SLC17A1: variants seen among roughly 807,000 people sequenced by gnomAD.
SLC17A1 encodes the protein solute carrier family 17 member 1, also known as sodium-dependent phosphate transport protein 1.
In SLC17A1, 51 loss-of-function variants were observed where a neutral mutation model predicts 53.5. That is an observed-to-expected ratio of 0.95 (90% confidence interval 0.76 to 1.20). The LOEUF is 1.20. SLC17A1 is among the 50% of genes most tolerant of loss of function. SLC17A1 has a pLI of 0.00. For synonymous variants in SLC17A1, 179 were observed against 198.8 expected (o/e 0.90, Z 0.84); for missense variants, 538 against 568.2 (o/e 0.95, Z 0.54).
At position 25,826,590 on chromosome 6, in the gene SLC17A1, CACAAGGAAAG is replaced by C. The variant is rs771378047; in HGVS notation, c.68_77del (p.Ser23CysfsTer7). On this transcript the variant is annotated frameshift_variant, in exon 3 of 13. Transcript: ENST00000244527. LOFTEE classifies it high-confidence loss of function. Reference sequence around the variant, plus strand: ...CTGTTATTATAACATTACAACAGTGCACAAGGAAAGACAATCCATAGCGAAAGGAACAGAA... The same window carrying C: ...CTGTTATTATAACATTACAACAGTGCACAATCCATAGCGAAAGGAACAGAA... 49 of 1,601,262 alleles carry C rather than the reference CACAAGGAAAG, an allele frequency of 3.1e-5. No individual in the cohort carries two copies. The highest frequency in any genetic ancestry group is 4.2e-5 in the Non-Finnish European group (49 of 1,173,190).
At chr6:25,728,956 G>A in the SLC17A1 span, among the ~76,000 whole-genome samples, 1 of 152,222 alleles carries the variant, frequency 6.6e-6, no homozygotes, top group Non-Finnish European at 1.5e-5. Flanking sequence ...ACAAATTGGG[G>A]GGAAGGGGCA....
At chr6:25,813,290 G>A in intron 6 of SLC17A1, 77 bp from the exon 7 acceptor site, 1 of 1,185,574 alleles carries the variant, frequency 8.4e-7, no homozygotes, top group East Asian at 2.3e-5. Context: ...ATTTTTCAAT[G>A]TATCAGTCTG....
At chr6:25,827,784 G>T (rs1331710659) in intron 2 of SLC17A1, among the ~76,000 whole-genome samples, 2 of 152,170 alleles carry the variant, frequency 1.3e-5, no homozygotes, top group Non-Finnish European at 2.9e-5. Flanking sequence ...GAGAAAGTGT[G>T]TATACACCAG....
chr6:25,830,571 T>TG lies in SLC17A1; in HGVS notation c.-15dup. 6.2e-7 allele frequency: 1 copy of TG among 1,613,886 alleles called. No individual in the cohort carries two copies. The highest frequency in any genetic ancestry group is 8.5e-7 in the Non-Finnish European group (1 of 1,179,822). On this transcript the variant is annotated 5_prime_UTR_variant, in exon 2 of 13. Transcript: ENST00000244527. The stretch of plus-strand genomic sequence containing the variant: ...ATCCATTTGCATACACGGCTGAAGT[T>TG]GCTTCTCTTCTTGCTGAAGGGTTTT...
chr6:25,738,384 T>A, the SLC17A1 span, among the ~76,000 whole-genome samples: 1 of 152,104 alleles, frequency 6.6e-6, no homozygotes, highest in Admixed American at 6.5e-5. Flanking sequence ...GACTTAAACC[T>A]TACACCTTGC....
In SLC17A1 at chr6:25,807,331, T is replaced by C. The variant is rs921516007; in HGVS notation, c.1178+4067A>G. On this transcript the variant is annotated intron_variant, in intron 10 of 12. Transcript: ENST00000244527. The stretch of plus-strand genomic sequence containing the variant: ...GTGTATAAAGAAAATGCGGTATATA[T>C]ACACAATTGAATACCACTCAGCCAT... 3.3e-5 allele frequency among the ~76,000 whole-genome samples: 5 copies of C among 152,270 alleles called. No homozygotes were observed. In the East Asian group the frequency reaches 5.8e-4, roughly 18 times the overall value.
At chr6:25,774,940 A>T in the SLC17A1 span, among the ~76,000 whole-genome samples, 1 of 152,372 alleles carries the variant, frequency 6.6e-6, no homozygotes, top group South Asian at 2.1e-4. Context: ...TATATACAAC[A>T]GAGGAGTCTC....
chr6:25,732,113 T>TTAAAA, the SLC17A1 span: 7 of 729,362 alleles, frequency 9.6e-6, no homozygotes, highest in Non-Finnish European at 1.4e-5. Context: ...AACTGCCTTC[T>TTAAAA]TAAAGCCCTT....
intron 11 of SLC17A1, 96 bp from the exon 12 acceptor site, chr6:25,799,015 C>A: frequency 8.5e-7 from 1 of 1,179,374 alleles, no homozygotes; most frequent in South Asian, 2.0e-5. Flanking sequence ...AGACTCAAGT[C>A]ACGTAACAAA....
the SLC17A1 span, chr6:25,732,091 TC>T: frequency 4.0e-6 from 4 of 999,886 alleles, no homozygotes; most frequent in African/African-American, 1.7e-5. Flanking sequence ...TTGTCCTCCT[TC>T]GAGTTTTAGC....
At chr6:25,768,875 C>T in the SLC17A1 span, 1 of 994,668 alleles carries the variant, frequency 1.0e-6, no homozygotes, top group Non-Finnish European at 1.5e-6. Context: ...TGTCTGCTCT[C>T]CCTATATTTC....
At chr6:25,726,765 T>A in the SLC17A1 span, 6 of 1,164,838 alleles carry the variant, frequency 5.2e-6, no homozygotes, top group Admixed American at 9.3e-5. Context: ...GCATCTTTCA[T>A]CCTCCAGTTC....
rs747565012 is a variant in SLC17A1 at position 25,819,714 on chromosome 6, C to A, written c.409G>T (p.Val137Phe). ...GCTCCCTGAACTGCTCGACATACAA[C>A]GACCCAAGCTACTCCAATTCCAGCT... ...PAAGIGVAWV[V>F]VCRAVQGAAQ... The change falls in exon 4 of 13, where the codon GTT (valine) becomes TTT (phenylalanine). Residue 137 changes from valine to phenylalanine, a missense_variant. Val to Phe is a conservative substitution (Grantham distance 50). Transcript: ENST00000244527. 2 of 1,614,176 alleles carry A rather than the reference C, an allele frequency of 1.2e-6. No individual in the cohort carries two copies. Among genetic ancestry groups the A allele is most frequent in the Admixed American group, 1.7e-5 (1 of 60,028 alleles).
the SLC17A1 span, among the ~76,000 whole-genome samples, chr6:25,764,179 C>T: frequency 1.3e-5 from 2 of 152,158 alleles, no homozygotes; most frequent in African/African-American, 2.4e-5. Context: ...TCATTGAGTT[C>T]GGCCTGCCAC....
chr6:25,781,192 G>GA (rs1407210470), downstream of SLC17A1: 222 of 127,154 alleles, frequency 1.7e-3, no homozygotes, highest in African/African-American at 6.2e-3. Flanking sequence ...AAGAAAGAAA[G>GA]AAAGAAAGAA....
chr6:25,800,816 A>G (rs747043334), intron 11 of SLC17A1, 74 bp downstream of exon 11: 15 of 957,634 alleles, frequency 1.6e-5, no homozygotes, highest in Non-Finnish European at 2.3e-5. Context: ...TCTTCTCTGC[A>G]ATTTTTCATA....
At chr6:25,747,869 A>G in the SLC17A1 span, among the ~76,000 whole-genome samples, 2 of 152,190 alleles carry the variant, frequency 1.3e-5, no homozygotes, top group South Asian at 4.2e-4. Flanking sequence ...CATCCAGTCT[A>G]TGGTATTCTG....
chr6:25,757,967 A>G, the SLC17A1 span, among the ~76,000 whole-genome samples: 610 of 152,064 alleles, frequency 4.0e-3, 2 homozygotes, highest in Non-Finnish European at 5.3e-3. Flanking sequence ...TGTAAACTGG[A>G]TTTTTCCTGA....
At chr6:25,766,730 G>A in the SLC17A1 span, among the ~76,000 whole-genome samples, 1 of 152,134 alleles carries the variant, frequency 6.6e-6, no homozygotes, top group Non-Finnish European at 1.5e-5. Flanking sequence ...TTTCAATTAA[G>A]GGATGCCCCA....
Sources: gnomAD v4.1 joint callset for allele counts (sites outside exome capture counted in the v4.1 genomes callset) on GRCh38, gnomAD v4.1.1 for gene constraint, MANE v1.5 for transcripts, NCBI Gene and HGNC (gene_info 2026-07-23, HGNC 2026-07-21) for gene names.